Variants in PCM1 observed in about 807,000 individuals in gnomAD.
PCM1 encodes pericentriolar material 1.
In PCM1, 157 loss-of-function variants were observed where a neutral mutation model predicts 241.9. That is an observed-to-expected ratio of 0.65 (90% CI 0.57 to 0.74). PCM1 has a LOEUF of 0.74. Among genes scored for constraint, PCM1 ranks in the 30% least tolerant of loss-of-function variants. The pLI, the probability that PCM1 is intolerant of heterozygous loss-of-function variation, is 0.00. For missense variants in PCM1, 3,478 were observed against 2,360.1 expected, an observed-to-expected ratio of 1.47 and a Z score of -9.81; for synonymous variants, 1,085 against 784.9, an observed-to-expected ratio of 1.38 and a Z score of -6.39.
At chr8:17,958,876 C>CA (rs1272364021) in intron 13 of PCM1, among the ~76,000 whole-genome samples, 1 of 152,116 alleles carries the variant, frequency 6.6e-6, no homozygotes, top group Non-Finnish European at 1.5e-5. Flanking sequence ...TGTGTACCAC[C>CA]ACACCTGGCT....
chr8:18,022,667 G>A (rs1279881307), intron 36 of PCM1, among the ~76,000 whole-genome samples: 2 of 152,198 alleles, frequency 1.3e-5, no homozygotes, highest in African/African-American at 4.8e-5. Context: ...AAACCTTAAT[G>A]GAACTGGGCC....
chr8:17,939,415 T>A (rs551907862), intron 5 of PCM1, among the ~76,000 whole-genome samples: 11 of 152,166 alleles, frequency 7.2e-5, no homozygotes, highest in African/African-American at 2.6e-4. Context: ...TGTATGCAGT[T>A]GTAGAAGTAA....
chr8:17,987,173 T>C (rs1403793729), intron 26 of PCM1, among the ~76,000 whole-genome samples: 2 of 151,880 alleles, frequency 1.3e-5, no homozygotes, highest in Non-Finnish European at 3.0e-5. Flanking sequence ...TAAATTAGTG[T>C]CAGTCAGTGT....
intron 35 of PCM1, among the ~76,000 whole-genome samples, chr8:18,014,320 A>T (rs2427739): frequency 0.72 from 108,706 of 151,764 alleles, 39,642 homozygotes; most frequent in African/African-American, 0.82. Context: ...TTAAAAAAAA[A>T]ATCTATTTGT....
At chr8:18,014,450 T>C in intron 35 of PCM1, 134 bp from the exon 36 acceptor site, 2 of 632,400 alleles carry the variant, frequency 3.2e-6, no homozygotes, top group Non-Finnish European at 2.4e-6. Flanking sequence ...ATAAGGAAAA[T>C]TTGTAGTTGC....
chr8:17,968,068 AAG>A (rs1491415146), intron 21 of PCM1, among the ~76,000 whole-genome samples: 28 of 152,186 alleles, frequency 1.8e-4, no homozygotes, highest in African/African-American at 3.4e-4. Flanking sequence ...AAAAAAAAAA[AAG>A]AGTTGATATT....
Position 18,025,656 on chromosome 8 carries a change from C to G in PCM1, c.6047C>G (p.Pro2016Arg), listed in dbSNP as rs764584256. The G allele has an allele frequency of 1.3e-5, 19 of 1,492,964 alleles. No individual in the cohort carries two copies. The highest frequency in any genetic ancestry group is 1.7e-4 in the Middle Eastern group (1 of 5,740). The allele number at this position is 1,492,964 out of a possible 1,614,324, so 92.5% of individuals were successfully genotyped here. ...LAGNSETLKE[P>R]ETVGAQSI ...GGAAATTCTGAGACACTAAAAGAAC[C>G]TGGTAAGAGTTATCAATTTAAATCT... Residue 2016 changes from proline (P) to arginine (R), a missense_variant and splice_region_variant, in exon 38 of 39, where the codon CCT (proline) becomes CGT (arginine). Transcript: ENST00000325083.
At chr8:17,968,348 A>G (rs1178221485) in intron 21 of PCM1, among the ~76,000 whole-genome samples, 4 of 152,172 alleles carry the variant, frequency 2.6e-5, no homozygotes, top group South Asian at 2.1e-4. Flanking sequence ...CATGAAATTT[A>G]TATTTTAGAA....
intron 29 of PCM1, among the ~76,000 whole-genome samples, chr8:17,996,231 G>C (rs1364295771): frequency 6.6e-6 from 1 of 151,988 alleles, no homozygotes; most frequent in African/African-American, 2.4e-5. Context: ...TTTTTTGAGG[G>C]CTTTTATCAT....
chr8:17,947,931 G>C (rs1228905477), intron 7 of PCM1, among the ~76,000 whole-genome samples: 1 of 152,152 alleles, frequency 6.6e-6, no homozygotes, highest in Non-Finnish European at 1.5e-5. Flanking sequence ...AGCCATGTGT[G>C]AATTAGATGA....
In PCM1 at chr8:17,963,192, G is replaced by C; in HGVS notation, c.2555G>C (p.Arg852Thr). 1 of 1,613,706 alleles carries C rather than the reference G, an allele frequency of 6.2e-7. No homozygotes were observed. Among genetic ancestry groups the C allele is most frequent in the South Asian group, 1.1e-5 (1 of 91,046 alleles). Residue 852 changes from arginine to threonine, a missense_variant, in exon 17 of 39, where the codon AGG becomes ACG. Physicochemically the swap from Arg to Thr is moderately conservative, Grantham distance 71. Coordinates refer to ENST00000325083, the MANE Select transcript of PCM1 (RefSeq NM_006197.4). Reference sequence around the variant, plus strand: ...GAAGCTCTGATGGCTGAACATCAGAGGAGGCAAGGTCTAGCTGAAACTGCA... The same window carrying C: ...GAAGCTCTGATGGCTGAACATCAGACGAGGCAAGGTCTAGCTGAAACTGCA... ...QLEALMAEHQ[R>T]RQGLAETASP... is the part of the protein sequence containing the mutation.
intron 29 of PCM1, among the ~76,000 whole-genome samples, chr8:18,005,190 A>G (rs2090903801): frequency 6.6e-6 from 1 of 152,152 alleles, no homozygotes; most frequent in Non-Finnish European, 1.5e-5. Flanking sequence ...TTCAGTAAGT[A>G]ATGTCTCCTG....
intron 29 of PCM1, among the ~76,000 whole-genome samples, chr8:17,996,421 G>A (rs1030681749): frequency 2.0e-5 from 3 of 152,078 alleles, no homozygotes; most frequent in African/African-American, 7.2e-5. Context: ...TTAATGTGTT[G>A]TTGAATTCCG....
chr8:17,964,383 T>G (rs2073969979), intron 17 of PCM1, among the ~76,000 whole-genome samples, 185 bp from the exon 18 acceptor site: 1 of 152,340 alleles, frequency 6.6e-6, no homozygotes, highest in Non-Finnish European at 1.5e-5. Context: ...GAAGGCAAAC[T>G]AAACATATTC....
rs1246464930 is a variant in PCM1, at chr8:17,955,671, A to G, written c.1472+18A>G. 6.3e-7 allele frequency: 1 copy of G among 1,580,404 alleles called. No individual in the cohort carries two copies. Among genetic ancestry groups the G allele is most frequent in the African/African-American group, 1.3e-5 (1 of 74,276 alleles). ...AAACTCCAGTAAAACATTTATAATC[A>G]TTGTTTACATGAAGTTAAATAATAG... On this transcript the variant is annotated intron_variant, in intron 10 of 38. Coordinates refer to ENST00000325083, the MANE Select transcript of PCM1 (RefSeq NM_006197.4).
intron 6 of PCM1, among the ~76,000 whole-genome samples, chr8:17,946,894 G>A (rs955828125): frequency 6.8e-6 from 1 of 147,808 alleles, no homozygotes; most frequent in Non-Finnish European, 1.5e-5. Flanking sequence ...TGTCCCTCTT[G>A]GCCTTTTATG....
intron 9 of PCM1, among the ~76,000 whole-genome samples, chr8:17,954,933 T>C (rs1015488574): frequency 6.6e-6 from 1 of 152,102 alleles, no homozygotes; most frequent in African/African-American, 2.4e-5. Flanking sequence ...TTTCTTTCTC[T>C]CCTGGAGCAA....
At chr8:17,965,818 T>C (rs1202128007) in intron 18 of PCM1, among the ~76,000 whole-genome samples, 181 bp from the exon 19 acceptor site, 3 of 152,254 alleles carry the variant, frequency 2.0e-5, no homozygotes, top group Non-Finnish European at 4.4e-5. Context: ...TAATGAAAAC[T>C]AATAATTGTA....
At chr8:17,948,665 C>T (rs957846599) in intron 7 of PCM1, among the ~76,000 whole-genome samples, 9 of 152,208 alleles carry the variant, frequency 5.9e-5, no homozygotes, top group African/African-American at 2.2e-4. Context: ...GTAATAATTA[C>T]AAAGATTTTT....
Sources: allele counts gnomAD v4.1 joint callset (sites outside exome capture counted in the v4.1 genomes callset), GRCh38; gene constraint gnomAD v4.1.1; transcripts MANE v1.5; gene names NCBI Gene and HGNC (gene_info 2026-07-23, HGNC 2026-07-21).